Variants in NXPE4 observed in about 807,000 individuals in gnomAD.
The protein encoded by NXPE4 is neurexophilin and PC-esterase domain family member 4.
NXPE4 carries 42 observed loss-of-function variants against 33.3 expected under a neutral mutation model. The ratio of observed to expected loss-of-function variants is 1.26; its 90% confidence interval spans 0.98 to 1.63. The LOEUF (loss-of-function observed/expected upper bound fraction) is 1.63, where lower values mean the gene tolerates loss of function less well. Among genes scored for constraint, NXPE4 ranks in the 40% most tolerant of loss-of-function variants. The pLI, the probability that NXPE4 is intolerant of heterozygous loss-of-function variation, is 0.00. For synonymous variants in NXPE4, 253 were observed against 234.9 expected (o/e 1.08, Z -0.71); for missense variants, 709 against 647.6 (o/e 1.09, Z -1.03).
the NXPE4 span, among the ~76,000 whole-genome samples, chr11:114,647,467 C>A: frequency 6.6e-6 from 1 of 152,240 alleles, no homozygotes; most frequent in East Asian, 1.9e-4. Context: ...GGGACAAAGT[C>A]TTTACCATGT....
the NXPE4 span, among the ~76,000 whole-genome samples, chr11:114,616,654 G>T: frequency 4.0e-5 from 6 of 151,624 alleles, no homozygotes; most frequent in Non-Finnish European, 7.4e-5. Flanking sequence ...TGCCTATTGG[G>T]TAACCACTGT....
the NXPE4 span, among the ~76,000 whole-genome samples, chr11:114,634,294 A>G: frequency 6.6e-6 from 1 of 151,976 alleles, no homozygotes; most frequent in Non-Finnish European, 1.5e-5. Context: ...TCCTTTGCCC[A>G]CTTTTTGATA....
chr11:114,676,907 T>A, the NXPE4 span, among the ~76,000 whole-genome samples: 1 of 151,978 alleles, frequency 6.6e-6, no homozygotes, highest in Non-Finnish European at 1.5e-5. Context: ...TATATACACA[T>A]AAACAGTTGG....
At chr11:114,661,950 T>C in the NXPE4 span, among the ~76,000 whole-genome samples, 1 of 152,180 alleles carries the variant, frequency 6.6e-6, no homozygotes, top group East Asian at 1.9e-4. Context: ...GAAATTATCC[T>C]GGTAAAAGGA....
At chr11:114,637,046 T>C in the NXPE4 span, among the ~76,000 whole-genome samples, 1 of 152,074 alleles carries the variant, frequency 6.6e-6, no homozygotes, top group Non-Finnish European at 1.5e-5. Flanking sequence ...TTGATCTGTC[T>C]AATGTTGACA....
the NXPE4 span, among the ~76,000 whole-genome samples, chr11:114,654,317 TG>T: frequency 6.6e-6 from 1 of 152,090 alleles, no homozygotes; most frequent in Non-Finnish European, 1.5e-5. Context: ...TCAGGAAAGT[TG>T]TTTAAAATCT....
At chr11:114,663,832 T>A in the NXPE4 span, among the ~76,000 whole-genome samples, 1 of 152,208 alleles carries the variant, frequency 6.6e-6, no homozygotes, top group South Asian at 2.1e-4. Context: ...CCAGAAAAGA[T>A]ATGAGCATAT....
the NXPE4 span, among the ~76,000 whole-genome samples, chr11:114,619,345 C>T: frequency 8.5e-5 from 13 of 152,156 alleles, no homozygotes; most frequent in African/African-American, 2.9e-4. Context: ...TGTGTGTAAC[C>T]ACTGTTACCC....
the NXPE4 span, among the ~76,000 whole-genome samples, chr11:114,649,441 A>AGG: frequency 6.6e-6 from 1 of 152,240 alleles, no homozygotes; most frequent in Non-Finnish European, 1.5e-5. Context: ...AGCATATGGA[A>AGG]GGACCTCACA....
chr11:114,628,827 T>A, the NXPE4 span, among the ~76,000 whole-genome samples: 1 of 151,676 alleles, frequency 6.6e-6, no homozygotes, highest in South Asian at 2.1e-4. Flanking sequence ...CAATAAAAAA[T>A]GATAAAGGGG....
the NXPE4 span, among the ~76,000 whole-genome samples, chr11:114,651,068 A>G: frequency 6.6e-6 from 1 of 151,238 alleles, no homozygotes; most frequent in Non-Finnish European, 1.5e-5. Context: ...TAGCTAGCAT[A>G]ATGTATAATA....
At chr11:114,605,642 A>G in the NXPE4 span, among the ~76,000 whole-genome samples, 2 of 152,030 alleles carry the variant, frequency 1.3e-5, no homozygotes, top group South Asian at 4.1e-4. Context: ...GTGGGTAACC[A>G]CAGTTAGCTG....
the NXPE4 span, among the ~76,000 whole-genome samples, chr11:114,663,606 T>TATCTATC: frequency 2.0e-5 from 2 of 98,182 alleles, no homozygotes; most frequent in Non-Finnish European, 4.4e-5. Context: ...TCTATCTATC[T>TATCTATC]ATCTATCTAT....
chr11:114,623,632 A>G, the NXPE4 span, among the ~76,000 whole-genome samples: 1 of 151,900 alleles, frequency 6.6e-6, no homozygotes, highest in East Asian at 1.9e-4. Flanking sequence ...CCCACTGGAT[A>G]ATAAGTGTTG....
In NXPE4 at chr11:114,580,212, C is replaced by G; in HGVS notation, c.1019G>C (p.Cys340Ser). ...CSLATVKMKE[C>S]LRGKLIYLMG... ...TAGGTATATGAGTTTTCCTCTCAGG[C>G]ATTCCTTCATTTTGACTGTAGCCAA... is the stretch of plus-strand genomic sequence containing the variant. Residue 340 changes from cysteine (C) to serine (S), a missense_variant, in exon 5 of 6, where the codon TGC becomes TCC. By Grantham distance (112) the Cys-to-Ser change is moderately radical. Coordinates refer to ENST00000375478, the MANE Select transcript of NXPE4 (RefSeq NM_001077639.2). The G allele has an allele frequency of 6.2e-7, 1 of 1,614,060 alleles. No homozygotes were observed. The highest frequency in any genetic ancestry group is 8.5e-7 in the Non-Finnish European group (1 of 1,179,938).
intron 4 of NXPE4, among the ~76,000 whole-genome samples, chr11:114,581,039 A>G (rs1203397226): frequency 6.6e-6 from 1 of 152,168 alleles, no homozygotes; most frequent in African/African-American, 2.4e-5. Context: ...TAAAAATAAC[A>G]TTTCTACATC....
chr11:114,607,946 T>C, the NXPE4 span, among the ~76,000 whole-genome samples: 1 of 150,944 alleles, frequency 6.6e-6, no homozygotes, highest in Non-Finnish European at 1.5e-5. Context: ...GTCTAACCAC[T>C]GTTACCCAGT....
the NXPE4 span, among the ~76,000 whole-genome samples, chr11:114,652,553 T>C: frequency 2.0e-5 from 3 of 152,218 alleles, no homozygotes; most frequent in African/African-American, 4.8e-5. Flanking sequence ...AAAGAGATGG[T>C]CCATGTAAAA....
chr11:114,581,576 C>A, intron 4 of NXPE4, 149 bp downstream of exon 4: 1 of 657,354 alleles, frequency 1.5e-6, no homozygotes. Flanking sequence ...ATTCACTCAC[C>A]TAGGTAACTG....
Sources: gnomAD v4.1 joint callset for allele counts (sites outside exome capture counted in the v4.1 genomes callset) on GRCh38, gnomAD v4.1.1 for gene constraint, MANE v1.5 for transcripts, NCBI Gene and HGNC (gene_info 2026-07-23, HGNC 2026-07-21) for gene names.